The following SLC24A2 variants were observed in gnomAD, a reference collection of about 807,000 sequenced individuals.
The protein encoded by SLC24A2 is solute carrier family 24 member 2.
SLC24A2 carries 36 observed loss-of-function variants against 62.0 expected under a neutral mutation model. The observed-to-expected ratio is 0.58, with a 90% CI of 0.44 to 0.77. SLC24A2 has a LOEUF of 0.77. SLC24A2 is among the 30% of genes least tolerant of loss of function. SLC24A2 has a pLI of 0.00. For synonymous variants in SLC24A2, 358 were observed against 294.0 expected (o/e 1.22, Z -2.23); for missense variants, 846 against 817.9 (o/e 1.03, Z -0.42).
intron 5 of SLC24A2, among the ~76,000 whole-genome samples, chr9:19,582,173 C>T (rs963224767): frequency 3.3e-5 from 5 of 152,066 alleles, no homozygotes; most frequent in Admixed American, 1.3e-4. Flanking sequence ...ATGTGAATTT[C>T]GAAAAACAAC....
intron 7 of SLC24A2, among the ~76,000 whole-genome samples, chr9:19,571,967 C>T (rs1471604488): frequency 6.6e-6 from 1 of 152,080 alleles, no homozygotes; most frequent in Non-Finnish European, 1.5e-5. Context: ...TCAGTTTCCT[C>T]AACTATAAAA....
the SLC24A2 span, among the ~76,000 whole-genome samples, chr9:20,091,569 A>G: frequency 6.6e-6 from 1 of 152,174 alleles, no homozygotes; most frequent in Non-Finnish European, 1.5e-5. Context: ...AGGAAAAAAA[A>G]AAATCTTCAA....
chr9:19,840,273 T>C, the SLC24A2 span, among the ~76,000 whole-genome samples: 2 of 152,290 alleles, frequency 1.3e-5, no homozygotes, highest in East Asian at 3.9e-4. Context: ...CTTTCAACAA[T>C]TTACGATCCT....
chr9:19,701,809 C>A (rs1820363901), intron 2 of SLC24A2, among the ~76,000 whole-genome samples: 1 of 152,110 alleles, frequency 6.6e-6, no homozygotes, highest in South Asian at 2.1e-4. Flanking sequence ...TCATATCAGG[C>A]CTCATCTTAA....
chr9:19,882,562 A>T, the SLC24A2 span, among the ~76,000 whole-genome samples: 10 of 151,994 alleles, frequency 6.6e-5, no homozygotes, highest in Non-Finnish European at 1.5e-4. Context: ...TGGCATGGAA[A>T]TCACAGTCCT....
chr9:19,794,542 G>C, the SLC24A2 span, among the ~76,000 whole-genome samples: 1 of 150,704 alleles, frequency 6.6e-6, no homozygotes, highest in East Asian at 2.0e-4. Flanking sequence ...GCAATTACCA[G>C]TGTAACAAAC....
At chr9:20,299,638 G>A in the SLC24A2 span, among the ~76,000 whole-genome samples, 26 of 152,264 alleles carry the variant, frequency 1.7e-4, no homozygotes, top group African/African-American at 5.8e-4. Context: ...ATCCATGAAG[G>A]ACTCAAGGAC....
At chr9:20,074,156 C>T in the SLC24A2 span, among the ~76,000 whole-genome samples, 27 of 152,118 alleles carry the variant, frequency 1.8e-4, no homozygotes, top group Admixed American at 1.4e-3. Flanking sequence ...TCTCAGAAAA[C>T]ACATTATAAC....
At chr9:19,974,062 A>G in the SLC24A2 span, among the ~76,000 whole-genome samples, 1 of 152,178 alleles carries the variant, frequency 6.6e-6, no homozygotes. Context: ...CATAAGAGGA[A>G]GTCAAATTAG....
chr9:20,179,596 A>T, the SLC24A2 span, among the ~76,000 whole-genome samples: 1 of 152,322 alleles, frequency 6.6e-6, no homozygotes, highest in South Asian at 2.1e-4. Context: ...CTCTGTGCAC[A>T]GATGTCTTCC....
chr9:20,019,155 A>AAGAAAGAAAGAAAGGAGAG, the SLC24A2 span, among the ~76,000 whole-genome samples: 1 of 117,186 alleles, frequency 8.5e-6, no homozygotes, highest in African/African-American at 3.1e-5. Flanking sequence ...GAAAGAAAGA[A>AAGAAAGAAAGAAAGGAGAG]AGAGAGAGAG....
chr9:20,019,129 GAAAGAAAGAAAGAAAGAA>G, the SLC24A2 span, among the ~76,000 whole-genome samples: 22 of 104,698 alleles, frequency 2.1e-4, no homozygotes, highest in African/African-American at 8.6e-4. Context: ...AAGAAAGAAA[GAAAGAAAGAAAGAAAGAA>G]AGAAAGAAAG....
chr9:19,875,501 G>C, the SLC24A2 span, among the ~76,000 whole-genome samples: 1 of 152,202 alleles, frequency 6.6e-6, no homozygotes, highest in Non-Finnish European at 1.5e-5. Flanking sequence ...CATCAACCCA[G>C]ATGTGTTACC....
the SLC24A2 span, among the ~76,000 whole-genome samples, chr9:20,003,423 T>C: frequency 6.6e-6 from 1 of 152,188 alleles, no homozygotes; most frequent in Admixed American, 6.5e-5. Context: ...GATTTAGAAA[T>C]TTCAAGCTAT....
Position 19,636,288 on chromosome 9 carries a change from T to C in SLC24A2, c.931-13989A>G, listed in dbSNP as rs1564009448. 6.0e-4 allele frequency among the ~76,000 whole-genome samples: 23 copies of C among 38,422 alleles called. 1 individual carries two copies. Among genetic ancestry groups the C allele is most frequent in the African/African-American group, 2.1e-3 (22 of 10,560 alleles). The allele number at this position is 38,422 out of a possible 152,430, so 25.2% of individuals were successfully genotyped here. ...TTCTTCTCTTCTTCTCTTCTTCTCT[T>C]CTTTTCTTTTCTTTTCTTTTCTTTT... On this transcript the variant is annotated intron_variant, in intron 2 of 10. Transcript: ENST00000341998.
intron 9 of SLC24A2, among the ~76,000 whole-genome samples, chr9:19,524,089 T>G (rs1833319739): frequency 7.4e-6 from 1 of 134,654 alleles, no homozygotes; most frequent in South Asian, 2.5e-4. Context: ...CTTAGAGCTT[T>G]TAATAGAAAG....
At chr9:19,871,824 A>G in the SLC24A2 span, among the ~76,000 whole-genome samples, 1 of 152,222 alleles carries the variant, frequency 6.6e-6, no homozygotes, top group Non-Finnish European at 1.5e-5. Context: ...AGAAAGTTAC[A>G]TTCTATTGTA....
At chr9:19,906,988 C>T in the SLC24A2 span, among the ~76,000 whole-genome samples, 1 of 152,176 alleles carries the variant, frequency 6.6e-6, no homozygotes, top group Non-Finnish European at 1.5e-5. Context: ...AGGCCAGCAT[C>T]ATCCCGATAC....
chr9:20,094,500 G>A, the SLC24A2 span, among the ~76,000 whole-genome samples: 1 of 152,258 alleles, frequency 6.6e-6, no homozygotes, highest in East Asian at 1.9e-4. Context: ...GAGCTTGTAA[G>A]CTTTTCAATA....
Sources: gnomAD v4.1 joint callset for allele counts (sites outside exome capture counted in the v4.1 genomes callset) on GRCh38, gnomAD v4.1.1 for gene constraint, MANE v1.5 for transcripts, NCBI Gene and HGNC (gene_info 2026-07-23, HGNC 2026-07-21) for gene names.